Variants in YEATS2 observed in about 807,000 individuals in gnomAD.
The protein encoded by YEATS2 is YEATS domain-containing protein 2.
A neutral mutation model predicts 163.2 loss-of-function variants in YEATS2; 77 were observed. The ratio of observed to expected loss-of-function variants is 0.47; its 90% confidence interval spans 0.39 to 0.57. The LOEUF is 0.57. YEATS2 is among the 20% of genes least tolerant of loss of function. The pLI is 0.00. For synonymous variants in YEATS2, 631 were observed against 645.1 expected (o/e 0.98, Z 0.33); for missense variants, 1,549 against 1,729.8 (o/e 0.90, Z 1.85).
At chr3:183,750,054 G>C (rs1720000851) in intron 9 of YEATS2, among the ~76,000 whole-genome samples, 1 of 151,742 alleles carries the variant, frequency 6.6e-6, no homozygotes, top group Non-Finnish European at 1.5e-5. Flanking sequence ...TTGATCTCCT[G>C]ACCTCATGAT....
At chr3:183,710,145 CCAT>C (rs1411616145) in intron 1 of YEATS2, among the ~76,000 whole-genome samples, 1 of 152,112 alleles carries the variant, frequency 6.6e-6, no homozygotes, top group Non-Finnish European at 1.5e-5. Flanking sequence ...GTTCCTAGTA[CCAT>C]CTCAGTATTT....
At position 183,806,712 on chromosome 3, in the gene YEATS2, CTCA is replaced by C. The variant is rs553827357; in HGVS notation, c.3785-149_3785-147del. 329 of 711,742 alleles carry C rather than the reference CTCA, an allele frequency of 4.6e-4. 3 individuals are homozygous for C. The South Asian group carries it at 6.0e-3, about 13-fold the overall frequency. The allele number at this position is 711,742 out of a possible 1,614,324, so 44.1% of individuals were successfully genotyped here. A position where few individuals can be genotyped will look rare whatever the true frequency, so the allele number is the denominator to read the frequency against. On this transcript the variant is annotated intron_variant, in intron 27 of 30. Coordinates refer to ENST00000305135, the MANE Select transcript of YEATS2 (RefSeq NM_018023.5). Reference sequence around the variant, plus strand: ...CTTTCTCCCTCGTGAATTACTAGTTCTCATCATTATAGATCCATAGAATGTTAG... The same window carrying C: ...CTTTCTCCCTCGTGAATTACTAGTTCTCATTATAGATCCATAGAATGTTAG...
rs965951504 is a variant in YEATS2 at position 183,790,911 on chromosome 3, C to G, written c.3028C>G (p.Pro1010Ala). ...CGTGGGAACCTGCAAGGCTGCCACC[C>G]CCACCGTCGTCAGCGCCACGTCCCT... The part of the protein sequence containing the change: ...ATVGTCKAAT[P>A]TVVSATSLVP... The change falls in exon 21 of 31, where the codon CCC becomes GCC. Residue 1010 changes from proline to alanine, a missense_variant. Physicochemically the swap from Pro to Ala is conservative, Grantham distance 27. Transcript: ENST00000305135. 13 of 1,614,148 alleles carry G rather than the reference C, an allele frequency of 8.1e-6. No homozygotes were observed. The highest frequency in any genetic ancestry group is 1.0e-5 in the Non-Finnish European group (12 of 1,180,016).
At position 183,801,497 on chromosome 3, in the gene YEATS2, A is replaced by C; in HGVS notation, c.3471A>C (p.Val1157=). Residue 1157 remains valine, a synonymous_variant, in exon 25 of 31, where the codon GTA becomes GTC. Transcript: ENST00000305135. ...CTATCCAGCAACTCCTAACTGCAGTAGTAAAGAAGATTCCATTAATCACTG... is the reference window on the plus strand; with the variant it reads ...CTATCCAGCAACTCCTAACTGCAGTCGTAAAGAAGATTCCATTAATCACTG... ...LETIQQLLTA[V]VKKIPLITAK... 1 of 1,611,284 alleles carries C rather than the reference A, an allele frequency of 6.2e-7. No homozygotes were observed. The highest frequency in any genetic ancestry group is 8.5e-7 in the Non-Finnish European group (1 of 1,178,638).
At chr3:183,790,204 T>C (rs1403194729) in intron 20 of YEATS2, among the ~76,000 whole-genome samples, 1 of 152,254 alleles carries the variant, frequency 6.6e-6, no homozygotes. Flanking sequence ...AGCTTTTTCC[T>C]GTACCCTCCT....
chr3:183,795,691 T>C (rs1725080906), intron 21 of YEATS2, among the ~76,000 whole-genome samples: 1 of 151,802 alleles, frequency 6.6e-6, no homozygotes, highest in Non-Finnish European at 1.5e-5. Flanking sequence ...TAGATGAAAA[T>C]AGGGAGGTGG....
In YEATS2 at chr3:183,776,087, G is replaced by A; in HGVS notation, c.2541G>A (p.Leu847=). ...TAGPGGISQH[L]TYTSYILKQT... is the part of the protein sequence containing the mutation. Reference sequence around the variant, plus strand: ...GCCCTGGAGGGATATCTCAGCACCTGACTTACACATCTTACATCCTCAAGC... The same window carrying A: ...GCCCTGGAGGGATATCTCAGCACCTAACTTACACATCTTACATCCTCAAGC... The change falls in exon 18 of 31, where the codon CTG becomes CTA. Residue 847 remains leucine (L), a synonymous_variant. Transcript: ENST00000305135. The A allele has an allele frequency of 6.2e-7, 1 of 1,604,614 alleles. No homozygotes were observed.
In YEATS2 at chr3:183,717,747, A is replaced by G; in HGVS notation, c.197A>G (p.Gln66Arg). 2.0e-6 allele frequency: 3 copies of G among 1,500,330 alleles called. No individual in the cohort carries two copies. Among genetic ancestry groups the G allele is most frequent in the Non-Finnish European group, 2.7e-6 (3 of 1,126,530 alleles). The allele number at this position is 1,500,330 out of a possible 1,614,324, so 92.9% of individuals were successfully genotyped here. Residue 66 changes from glutamine (Q) to arginine (R), a missense_variant and splice_region_variant, in exon 3 of 31, where the codon CAG (glutamine) becomes CGG (arginine). Coordinates refer to ENST00000305135, the MANE Select transcript of YEATS2 (RefSeq NM_018023.5). ...GAACATGAAATTGAAGTCATTGACC[A>G]GGTATAATGATGATAAATTGAAATA... ...NKEHEIEVID[Q>R]RLIEARRMMD...
At chr3:183,727,963 A>T (rs1163070275) in intron 6 of YEATS2, among the ~76,000 whole-genome samples, 3 of 144,440 alleles carry the variant, frequency 2.1e-5, no homozygotes, top group Non-Finnish European at 4.6e-5. Flanking sequence ...TTTTTTTTTT[A>T]AATAGCACAC....
At chr3:183,720,025 A>G (rs1010320830) in intron 4 of YEATS2, among the ~76,000 whole-genome samples, 3 of 152,108 alleles carry the variant, frequency 2.0e-5, no homozygotes, top group Non-Finnish European at 2.9e-5. Context: ...AGTTAAGTCT[A>G]AAGGCTTGGT....
Position 183,770,107 on chromosome 3 carries a change from G to A in YEATS2, c.1948-2198G>A, listed in dbSNP as rs571180741. Among the ~76,000 whole-genome samples the A allele has an allele frequency of 2.0e-5, 3 of 152,100 alleles. No homozygotes were observed. In the East Asian group the frequency reaches 5.8e-4, roughly 30 times the overall value. On this transcript the variant is annotated intron_variant, in intron 15 of 30. Coordinates refer to ENST00000305135, the MANE Select transcript of YEATS2 (RefSeq NM_018023.5). ...AGTAATATTTTAATTTAAAACTTCTGGCCGGGTGCGGTGGCTCACACCTGT... is the reference window on the plus strand; with the variant it reads ...AGTAATATTTTAATTTAAAACTTCTAGCCGGGTGCGGTGGCTCACACCTGT...
At chr3:183,784,296 G>A (rs1432120333) in intron 19 of YEATS2, among the ~76,000 whole-genome samples, 3 of 152,162 alleles carry the variant, frequency 2.0e-5, no homozygotes, top group Non-Finnish European at 4.4e-5. Context: ...AGCCTATCTG[G>A]TGTGAGATGA....
intron 15 of YEATS2, among the ~76,000 whole-genome samples, chr3:183,767,691 T>A (rs1328363211): frequency 6.6e-6 from 1 of 151,958 alleles, no homozygotes; most frequent in Non-Finnish European, 1.5e-5. Context: ...ATTTTTTTTA[T>A]TTTTTAATAG....
At chr3:183,772,255 T>C (rs900187353) in intron 15 of YEATS2, 50 bp from the exon 16 acceptor site, 12 of 1,604,702 alleles carry the variant, frequency 7.5e-6, no homozygotes, top group Non-Finnish European at 1.0e-5. Flanking sequence ...CGGTGACTGC[T>C]GTTCTAAGAG....
intron 25 of YEATS2, chr3:183,802,426 CTT>C (rs1219924342): frequency 2.6e-5 from 4 of 151,002 alleles, no homozygotes; most frequent in African/African-American, 7.4e-5. Flanking sequence ...TCAGAGTAAA[CTT>C]TTGGTGACAG....
intron 8 of YEATS2, among the ~76,000 whole-genome samples, chr3:183,742,758 A>G (rs1373202661): frequency 2.0e-5 from 3 of 152,228 alleles, no homozygotes; most frequent in Non-Finnish European, 4.4e-5. Flanking sequence ...TGTGGATAAA[A>G]CACTGTCAAA....
At chr3:183,727,350 G>C (rs1717224887) in intron 6 of YEATS2, among the ~76,000 whole-genome samples, 1 of 152,166 alleles carries the variant, frequency 6.6e-6, no homozygotes, top group African/African-American at 2.4e-5. Context: ...AAATTTAGAT[G>C]AAATGATTGT....
Position 183,722,305 on chromosome 3 carries a change from T to G in YEATS2, c.537+169T>G, listed in dbSNP as rs1260168560. Among the ~76,000 whole-genome samples, 3 of 83,096 alleles carry G rather than the reference T, an allele frequency of 3.6e-5. No individual in the cohort carries two copies. In the East Asian group the frequency reaches 1.8e-3, roughly 50 times the overall value. The allele number at this position is 83,096 out of a possible 152,430, so 54.5% of individuals were successfully genotyped here. On this transcript the variant is annotated intron_variant, in intron 5 of 30. Transcript: ENST00000305135. ...TTTTTTTTTTTTTTTTTTTTTTTTT[T>G]TGAGACAGAGTTTTGCTCTGTTGCC...
At chr3:183,701,753 ACT>A (rs1267751779) in intron 1 of YEATS2, among the ~76,000 whole-genome samples, 1 of 152,002 alleles carries the variant, frequency 6.6e-6, no homozygotes, top group Non-Finnish European at 1.5e-5. Context: ...GTATATCCAC[ACT>A]CTCAAATAAA....
Sources: allele counts gnomAD v4.1 joint callset (sites outside exome capture counted in the v4.1 genomes callset), GRCh38; gene constraint gnomAD v4.1.1; transcripts MANE v1.5; gene names NCBI Gene and HGNC (gene_info 2026-07-23, HGNC 2026-07-21).